The following SEC11A variants were observed in gnomAD, a reference collection of about 807,000 sequenced individuals.
The protein encoded by SEC11A is signal peptidase complex catalytic subunit SEC11A.
Under a neutral mutation model 25.6 loss-of-function variants are expected in SEC11A, and 14 were observed. That is an observed-to-expected ratio of 0.55 (90% CI 0.36 to 0.85). SEC11A has a LOEUF of 0.85. SEC11A is among the 40% of genes least tolerant of loss of function. The pLI, the probability that SEC11A is intolerant of heterozygous loss-of-function variation, is 0.01. For synonymous variants in SEC11A, 83 were observed against 76.4 expected (o/e 1.09, Z -0.45); for missense variants, 153 against 222.9 (o/e 0.69, Z 2.00).
At chr15:84,683,820 T>TG (rs1442925011) in intron 3 of SEC11A, among the ~76,000 whole-genome samples, 2 of 152,146 alleles carry the variant, frequency 1.3e-5, no homozygotes, top group Non-Finnish European at 2.9e-5. Context: ...CCACCGCACC[T>TG]GATCTTACTA....
Position 84,716,093 on chromosome 15 carries a change from G to C in SEC11A, c.-18C>G, listed in dbSNP as rs766091112. ...GACAGCATGGCGGGGACGGCGAGCA[G>C]GACACCGGCAGGGGAAAGGGCGCGA... On this transcript the variant is annotated 5_prime_UTR_variant, in exon 1 of 6. Coordinates refer to ENST00000268220, the MANE Select transcript of SEC11A (RefSeq NM_014300.4). The C allele has an allele frequency of 6.8e-6, 11 of 1,613,008 alleles. No homozygotes were observed. Among genetic ancestry groups the C allele is most frequent in the Non-Finnish European group, 9.3e-6 (11 of 1,179,416 alleles).
intron 4 of SEC11A, among the ~76,000 whole-genome samples, chr15:84,676,357 T>C (rs992248794): frequency 6.6e-6 from 1 of 151,616 alleles, no homozygotes; most frequent in Non-Finnish European, 1.5e-5. Flanking sequence ...TCCCAGCTAA[T>C]TGGGAGGCTG....
At chr15:84,709,889 T>C (rs1898209628) in intron 1 of SEC11A, among the ~76,000 whole-genome samples, 1 of 152,172 alleles carries the variant, frequency 6.6e-6, no homozygotes, top group African/African-American at 2.4e-5. Flanking sequence ...ATTACAGGCG[T>C]GTGCCACCAC....
At chr15:84,686,855 C>G (rs553319719) in intron 3 of SEC11A, 2 of 152,106 alleles carry the variant, frequency 1.3e-5, no homozygotes, top group Non-Finnish European at 2.9e-5. Context: ...CATGCCACTA[C>G]GCCCAGCTAA....
intron 1 of SEC11A, among the ~76,000 whole-genome samples, chr15:84,707,136 C>T (rs1023807991): frequency 2.0e-5 from 3 of 149,118 alleles, no homozygotes; most frequent in African/African-American, 7.4e-5. Context: ...CTCTAACCCA[C>T]TTTTAGACTC....
At chr15:84,687,528 T>C (rs1897463801) in intron 3 of SEC11A, 97 bp downstream of exon 3, 1 of 975,266 alleles carries the variant, frequency 1.0e-6, no homozygotes, top group African/African-American at 1.7e-5. Flanking sequence ...GCCTAGAGGT[T>C]CCTCACTGTT....
At position 84,669,918 on chromosome 15, in the gene SEC11A, A is replaced by G. The variant is rs765907114; in HGVS notation, c.*101T>C. ...AAACCAGTGCTACCCAGAAGCACCAACACGTGTGTTCTCCATTCCACCAAT... is the reference window on the plus strand; with the variant it reads ...AAACCAGTGCTACCCAGAAGCACCAGCACGTGTGTTCTCCATTCCACCAAT... On this transcript the variant is annotated 3_prime_UTR_variant, in exon 6 of 6. Coordinates refer to ENST00000268220, the MANE Select transcript of SEC11A (RefSeq NM_014300.4). 4.7e-5 allele frequency: 74 copies of G among 1,591,246 alleles called. No homozygotes were observed. The highest frequency in any genetic ancestry group is 6.2e-5 in the Non-Finnish European group (73 of 1,169,036).
chr15:84,674,904 T>A (rs1897097137), intron 4 of SEC11A, among the ~76,000 whole-genome samples: 1 of 152,068 alleles, frequency 6.6e-6, no homozygotes, highest in Non-Finnish European at 1.5e-5. Flanking sequence ...CCACTGTAAG[T>A]GAAATGAAAG....
At position 84,669,830 on chromosome 15, in the gene SEC11A, T is replaced by G; in HGVS notation, c.*189A>C. The stretch of plus-strand genomic sequence containing the variant: ...TCCTGTGACTGAAAGTCCCCTCGAG[T>G]GCACTCTGTGGTGCACATGCGCCCG... On this transcript the variant is annotated 3_prime_UTR_variant, in exon 6 of 6. Transcript: ENST00000268220. The G allele has an allele frequency of 1.2e-6, 1 of 842,602 alleles. No homozygotes were observed. Among genetic ancestry groups the G allele is most frequent in the Non-Finnish European group, 1.7e-6 (1 of 576,122 alleles). The allele number at this position is 842,602 out of a possible 1,614,324, so 52.2% of individuals were successfully genotyped here.
intron 2 of SEC11A, among the ~76,000 whole-genome samples, chr15:84,690,460 T>C (rs1010066793): frequency 1.3e-5 from 2 of 151,902 alleles, no homozygotes; most frequent in African/African-American, 2.4e-5. Context: ...TACAAAAAAA[T>C]TAAAAAATTA....
intron 4 of SEC11A, chr15:84,680,116 T>A: frequency 1.9e-6 from 1 of 513,218 alleles, no homozygotes; most frequent in Non-Finnish European, 3.4e-6. Flanking sequence ...TTAAGAAATA[T>A]AAATATAACG....
chr15:84,681,427 C>T (rs866096729), intron 3 of SEC11A, among the ~76,000 whole-genome samples: 1 of 151,946 alleles, frequency 6.6e-6, no homozygotes, highest in Non-Finnish European at 1.5e-5. Context: ...GTCAGAAGTT[C>T]GAGACCAGCC....
chr15:84,701,110 T>C (rs1303669366), intron 1 of SEC11A, among the ~76,000 whole-genome samples: 1 of 150,152 alleles, frequency 6.7e-6, no homozygotes, highest in Non-Finnish European at 1.5e-5. Flanking sequence ...GAAGAAAAGT[T>C]TAGCAAACTT....
chr15:84,691,075 T>C (rs545929091), intron 2 of SEC11A, among the ~76,000 whole-genome samples: 27 of 126,380 alleles, frequency 2.1e-4, no homozygotes, highest in Non-Finnish European at 3.7e-4. Flanking sequence ...TTTTCTCTCT[T>C]TTTTTTTTTT....
intron 1 of SEC11A, among the ~76,000 whole-genome samples, chr15:84,710,713 G>C (rs1022290085): frequency 6.6e-6 from 1 of 152,134 alleles, no homozygotes; most frequent in Non-Finnish European, 1.5e-5. Flanking sequence ...ACAAGTTTAA[G>C]AAAGAATTTA....
chr15:84,684,219 C>T (rs542205171), intron 3 of SEC11A, among the ~76,000 whole-genome samples: 37 of 152,100 alleles, frequency 2.4e-4, no homozygotes, highest in African/African-American at 8.9e-4. Flanking sequence ...GGCTGTGGTC[C>T]CTACCCAAAT....
chr15:84,715,468 G>GC (rs1898430492), intron 1 of SEC11A, among the ~76,000 whole-genome samples: 3 of 152,184 alleles, frequency 2.0e-5, no homozygotes, highest in Non-Finnish European at 4.4e-5. Flanking sequence ...CTAAGCGGAC[G>GC]CAAGGGCAAG....
chr15:84,690,965 G>GGATCTC (rs1380198787), intron 2 of SEC11A, among the ~76,000 whole-genome samples: 1 of 152,000 alleles, frequency 6.6e-6, no homozygotes, highest in Non-Finnish European at 1.5e-5. Context: ...CTTTATTAAG[G>GGATCTC]GATGTGACAA....
chr15:84,670,643 G>A (rs1896959706), intron 5 of SEC11A, 82 bp downstream of exon 5: 1 of 690,922 alleles, frequency 1.4e-6, no homozygotes, highest in Non-Finnish European at 2.5e-6. Flanking sequence ...GCCTCCCAGA[G>A]TGCTGGGATT....
Sources: gnomAD v4.1 joint callset for allele counts (sites outside exome capture counted in the v4.1 genomes callset) on GRCh38, gnomAD v4.1.1 for gene constraint, MANE v1.5 for transcripts, NCBI Gene and HGNC (gene_info 2026-07-23, HGNC 2026-07-21) for gene names.